The following DCAF8 variants were observed in gnomAD, a reference collection of about 807,000 sequenced individuals.
DCAF8 encodes DDB1 and CUL4 associated factor 8, also known as DDB1- and CUL4-associated factor 8.
Under a neutral mutation model 68.0 loss-of-function variants are expected in DCAF8, and 20 were observed. That is an observed-to-expected ratio of 0.29 (90% CI 0.21 to 0.43). The LOEUF is 0.43. DCAF8 is among the 20% of genes least tolerant of loss of function. The pLI is 1.00. For synonymous variants in DCAF8, 230 were observed against 276.9 expected (o/e 0.83, Z 1.68); for missense variants, 460 against 771.0 (o/e 0.60, Z 4.78).
At chr1:160,217,861 T>G in intron 13 of DCAF8, 153 bp from the exon 14 acceptor site, 1 of 596,588 alleles carries the variant, frequency 1.7e-6, no homozygotes, top group Admixed American at 3.0e-5. Context: ...GTGGTCTATA[T>G]GGTCTTTATT....
At chr1:160,244,622 C>CT (rs879565106) in intron 2 of DCAF8, among the ~76,000 whole-genome samples, 4,009 of 144,670 alleles carry the variant, frequency 0.028, 221 homozygotes, top group African/African-American at 0.093. Flanking sequence ...ATTATTCTTT[C>CT]TTTTTTTTTT....
At chr1:160,231,726 C>T (rs541714038) in intron 6 of DCAF8, among the ~76,000 whole-genome samples, 1 of 152,186 alleles carries the variant, frequency 6.6e-6, no homozygotes, top group African/African-American at 2.4e-5. Context: ...CAGTCCAACA[C>T]AGTAACAGCC....
At chr1:160,219,540 TTGAGAGAAC>T (rs1358690161) in intron 11 of DCAF8, 1 of 152,892 alleles carries the variant, frequency 6.5e-6, no homozygotes, top group African/African-American at 2.4e-5. Flanking sequence ...TCATGTCTGC[TTGAGAGAAC>T]CTTGCACATC....
chr1:160,252,218 A>C (rs74125535), intron 2 of DCAF8, among the ~76,000 whole-genome samples: 2,418 of 152,342 alleles, frequency 0.016, 63 homozygotes, highest in African/African-American at 0.049. Context: ...TCACAATCCC[A>C]TTTGTAGCCA....
chr1:160,239,379 A>C (rs990722303), intron 4 of DCAF8: 1 of 1,387,728 alleles, frequency 7.2e-7, no homozygotes, highest in Admixed American at 3.1e-5. Context: ...TGAGCTAGTA[A>C]GCAGAAGGGC....
At chr1:160,224,135 C>T (rs1655389458) in intron 10 of DCAF8, among the ~76,000 whole-genome samples, 1 of 152,164 alleles carries the variant, frequency 6.6e-6, no homozygotes, top group Non-Finnish European at 1.5e-5. Context: ...GAGGGCTTTC[C>T]CTGACTCCCT....
At chr1:160,252,601 T>C (rs1449260289) in intron 2 of DCAF8, among the ~76,000 whole-genome samples, 1 of 152,110 alleles carries the variant, frequency 6.6e-6, no homozygotes, top group Non-Finnish European at 1.5e-5. Context: ...ATCAGAGAAA[T>C]TATTTTGTCA....
intron 11 of DCAF8, among the ~76,000 whole-genome samples, chr1:160,221,535 G>A (rs1655296190): frequency 6.6e-6 from 1 of 152,104 alleles, no homozygotes; most frequent in African/African-American, 2.4e-5. Context: ...AAAAACATAA[G>A]GAATGGGATC....
chr1:160,227,185 A>ATG (rs1289251691), intron 7 of DCAF8, among the ~76,000 whole-genome samples: 1 of 152,218 alleles, frequency 6.6e-6, no homozygotes, highest in Non-Finnish European at 1.5e-5. Flanking sequence ...TCAGCATTTA[A>ATG]TGGGTGGAGA....
intron 2 of DCAF8, among the ~76,000 whole-genome samples, chr1:160,246,793 G>A (rs936539132): frequency 1.3e-5 from 2 of 152,038 alleles, no homozygotes; most frequent in African/African-American, 2.4e-5. Flanking sequence ...GAAGACCCCC[G>A]TCACTACAGA....
chr1:160,223,852 T>C (rs1205455359), intron 10 of DCAF8, among the ~76,000 whole-genome samples: 3 of 152,038 alleles, frequency 2.0e-5, no homozygotes, highest in Non-Finnish European at 4.4e-5. Context: ...GCCTGGGAGG[T>C]CAAGGCTGCA....
intron 2 of DCAF8, among the ~76,000 whole-genome samples, chr1:160,247,778 C>A (rs1656402324): frequency 1.3e-5 from 2 of 152,144 alleles, no homozygotes; most frequent in South Asian, 4.1e-4. Flanking sequence ...ACCAGAATAA[C>A]TGAACATTCA....
chr1:160,222,812 T>G, intron 10 of DCAF8, 31 bp from the exon 11 acceptor site: 1 of 1,613,964 alleles, frequency 6.2e-7, no homozygotes. Flanking sequence ...AGAAACCACA[T>G]GAGGGTTGGC....
rs1655255081 is a variant in DCAF8, at chr1:160,220,340, T to G, written c.1441-1372A>C. On this transcript the variant is annotated intron_variant, in intron 11 of 13. Transcript: ENST00000368074. ...AAGCCCTTGTTACAGACCTGTACTC[T>G]GAGCTAGCTCTGCTTGAATAAGTCA... is the stretch of plus-strand genomic sequence containing the variant. 3 of 152,340 alleles carry G rather than the reference T, an allele frequency of 2.0e-5. No homozygotes were observed. In the South Asian group the frequency reaches 6.2e-4, roughly 32 times the overall value. The allele number at this position is 152,340 out of a possible 1,614,324, so 9.4% of individuals were successfully genotyped here. A position where few individuals can be genotyped will look rare whatever the true frequency, so the allele number is the denominator to read the frequency against.
chr1:160,252,247 A>G (rs1030707518), intron 2 of DCAF8, among the ~76,000 whole-genome samples: 2 of 152,230 alleles, frequency 1.3e-5, no homozygotes, highest in Non-Finnish European at 2.9e-5. Flanking sequence ...ATTAGGAAAA[A>G]TGAGTGATAC....
intron 7 of DCAF8, among the ~76,000 whole-genome samples, chr1:160,228,997 C>T (rs1031897853): frequency 9.2e-5 from 14 of 152,102 alleles, no homozygotes; most frequent in African/African-American, 3.4e-4. Context: ...GTAGGATCAG[C>T]GTGCCTCAAA....
chr1:160,222,207 A>C (rs1250649234), intron 11 of DCAF8, among the ~76,000 whole-genome samples: 1 of 152,210 alleles, frequency 6.6e-6, no homozygotes, highest in Non-Finnish European at 1.5e-5. Context: ...AATTTTCCCA[A>C]CTGTCCAAAA....
Position 160,243,961 on chromosome 1 carries a change from A to G in DCAF8, c.48T>C (p.Asn16=). 1 of 1,613,960 alleles carries G rather than the reference A, an allele frequency of 6.2e-7. No individual in the cohort carries two copies. The highest frequency in any genetic ancestry group is 1.1e-5 in the South Asian group (1 of 91,078). The change falls in exon 3 of 14, where the codon AAT becomes AAC. Residue 16 remains asparagine, a splice_region_variant and synonymous_variant. Coordinates refer to ENST00000368074, the MANE Select transcript of DCAF8 (RefSeq NM_015726.4). The part of the protein sequence containing the change: ...SSTDGRTDLA[N]GSLSSSPEEM... ...TTCACCTTCATTTTGGCCCCTTACC[A>G]TTAGCTAAGTCTGTTCTGCCATCTG...
At chr1:160,256,555 A>G (rs1279559929) in intron 2 of DCAF8, among the ~76,000 whole-genome samples, 1 of 151,824 alleles carries the variant, frequency 6.6e-6, no homozygotes, top group Non-Finnish European at 1.5e-5. Context: ...AGCTTTCCAG[A>G]TGGCTAAGAA....
Sources: gnomAD v4.1 joint callset for allele counts (sites outside exome capture counted in the v4.1 genomes callset) on GRCh38, gnomAD v4.1.1 for gene constraint, MANE v1.5 for transcripts, NCBI Gene and HGNC (gene_info 2026-07-23, HGNC 2026-07-21) for gene names.